The following SPATA22 variants were observed in gnomAD, a reference collection of about 807,000 sequenced individuals.
The protein encoded by SPATA22 is spermatogenesis-associated protein 22.
In SPATA22, 29 loss-of-function variants were observed where a neutral mutation model predicts 47.8. The observed-to-expected ratio is 0.61, with a 90% confidence interval of 0.45 to 0.83. SPATA22 has a LOEUF of 0.83. Among genes scored for constraint, SPATA22 ranks in the 40% least tolerant of loss-of-function variants. The pLI is 0.00. For missense variants in SPATA22, 410 were observed against 421.7 expected (o/e 0.97, Z 0.24); for synonymous variants, 133 against 140.9 (o/e 0.94, Z 0.40).
Position 3,462,480 on chromosome 17 carries a change from C to CA in SPATA22, c.329+2dup. On this transcript the variant is annotated splice_region_variant and intron_variant, in intron 5 of 8. Transcript: ENST00000572969. ...AGAAGAAAGAAATTTTAAGTAGACT[C>CA]ACCTCCAACCACCCTGGCTTCTTCC... is the stretch of plus-strand genomic sequence containing the variant. The CA allele has an allele frequency of 6.3e-7, 1 of 1,585,010 alleles. No homozygotes were observed.
At chr17:3,472,070 C>G (rs1017204636), upstream of SPATA22, 1 of 166,256 alleles carries the variant, frequency 6.0e-6, no homozygotes, top group East Asian at 1.9e-4. Context: ...GCCCCACCAT[C>G]GTCTAAAAAG....
In SPATA22 at chr17:3,481,692, A is replaced by G. The variant is rs1229569874; in HGVS notation, c.-73-12294T>C. ...GGTCCAAAAGACAGTGAAGATTCCTATGACATTATTTTTGACCTTCACAAC... is the reference window on the plus strand; with the variant it reads ...GGTCCAAAAGACAGTGAAGATTCCTGTGACATTATTTTTGACCTTCACAAC... On this transcript the variant is annotated intron_variant, in intron 1 of 8. Coordinates refer to the SPATA22 transcript ENST00000541913. 7.4e-6 allele frequency: 12 copies of G among 1,613,770 alleles called. No individual in the cohort carries two copies. Among genetic ancestry groups the G allele is most frequent in the African/African-American group, 1.3e-5 (1 of 74,928 alleles).
chr17:3,493,510 A>C (rs1446460580), intron 1 of SPATA22, among the ~76,000 whole-genome samples: 2 of 149,294 alleles, frequency 1.3e-5, no homozygotes, highest in African/African-American at 5.0e-5. Context: ...GCAGTGAGCC[A>C]AGACCACGCC....
chr17:3,489,959 G>C (rs1265094088), intron 1 of SPATA22, among the ~76,000 whole-genome samples: 2 of 152,198 alleles, frequency 1.3e-5, no homozygotes, highest in Non-Finnish European at 2.9e-5. Context: ...ATGTCCACCT[G>C]TTGGTGGAGA....
chr17:3,508,662 ACACCGCATGTTCT>A (rs1313385295), intron 1 of SPATA22, among the ~76,000 whole-genome samples: 8 of 142,746 alleles, frequency 5.6e-5, no homozygotes, highest in African/African-American at 2.1e-4. Context: ...AAAAAACCAA[ACACCGCATGTTCT>A]CACTCATAGA....
chr17:3,483,495 T>C (rs2073668886), intron 1 of SPATA22: 1 of 1,613,754 alleles, frequency 6.2e-7, no homozygotes, highest in South Asian at 1.1e-5. Context: ...TTGATTTTTT[T>C]CAGACTTCTC....
In SPATA22 at chr17:3,485,934, CTT is replaced by C. The variant is rs145731380; in HGVS notation, c.-73-16538_-73-16537del. ...CAGTGGTTGCATTCTAGGAGGGAAC[CTT>C]TTTTTTTTTTTTTGAGACGGAGTTT... On this transcript the variant is annotated intron_variant, in intron 1 of 8. Transcript: ENST00000541913. This position sits in a 1 kb window ranked among gnomAD's most constrained non-coding sequence, Gnocchi z 4.4. 0.019 allele frequency among the ~76,000 whole-genome samples: 2,724 copies of C among 142,320 alleles called. 37 individuals are homozygous for C. The highest frequency in any genetic ancestry group is 0.033 in the Middle Eastern group (9 of 270). The allele number at this position is 142,320 out of a possible 152,430, so 93.4% of individuals were successfully genotyped here.
intron 1 of SPATA22, among the ~76,000 whole-genome samples, chr17:3,509,851 C>T (rs921863455): frequency 9.1e-5 from 13 of 142,906 alleles, no homozygotes; most frequent in Non-Finnish European, 1.9e-4. Context: ...TTTTAATAAT[C>T]GCCATTCTGA....
intron 1 of SPATA22, among the ~76,000 whole-genome samples, chr17:3,508,017 C>A (rs1208796518): frequency 1.3e-5 from 2 of 152,184 alleles, no homozygotes; most frequent in African/African-American, 4.8e-5. Context: ...TGTCTTGCTG[C>A]CACTCAACAA....
chr17:3,481,868 A>T (rs1367452513), intron 1 of SPATA22: 31 of 1,367,654 alleles, frequency 2.3e-5, no homozygotes, highest in Non-Finnish European at 3.0e-5. Context: ...TGGATGTGAG[A>T]CAATCAGAAA....
intron 3 of SPATA22, among the ~76,000 whole-genome samples, chr17:3,463,705 C>T (rs62071288): frequency 0.33 from 50,009 of 151,932 alleles, 10,548 homozygotes; most frequent in Non-Finnish European, 0.48. Context: ...GCTACTATGT[C>T]ACCAGGAGAC....
At chr17:3,507,312 AGACATGTATG>A (rs2074049864) in intron 1 of SPATA22, among the ~76,000 whole-genome samples, 1 of 152,212 alleles carries the variant, frequency 6.6e-6, no homozygotes, top group African/African-American at 2.4e-5. Context: ...ACATTAAATG[AGACATGTATG>A]TAAAGTGCAT....
At chr17:3,446,653 CA>C in intron 6 of SPATA22, 52 bp from the exon 7 acceptor site, 1 of 1,354,478 alleles carries the variant, frequency 7.4e-7, no homozygotes, top group African/African-American at 1.5e-5. Context: ...TTTTTTTCAT[CA>C]TACTCGTTTA....
chr17:3,478,502 G>A (rs1404083066), intron 1 of SPATA22, among the ~76,000 whole-genome samples: 1 of 152,184 alleles, frequency 6.6e-6, no homozygotes, highest in African/African-American at 2.4e-5. Context: ...ATTGACCTAA[G>A]AGAGCTGTTA....
intron 1 of SPATA22, chr17:3,499,053 C>T (rs1273624188): frequency 6.2e-7 from 1 of 1,614,132 alleles, no homozygotes; most frequent in East Asian, 2.2e-5. Context: ...TAAACTAACG[C>T]TCAATGCAAA....
chr17:3,453,227 A>C (rs1208686088), intron 5 of SPATA22, among the ~76,000 whole-genome samples: 1 of 152,224 alleles, frequency 6.6e-6, no homozygotes, highest in Non-Finnish European at 1.5e-5. Flanking sequence ...TTCAAACCTT[A>C]GCATCACACA....
At chr17:3,509,678 C>G (rs529593127) in intron 1 of SPATA22, among the ~76,000 whole-genome samples, 1 of 152,280 alleles carries the variant, frequency 6.6e-6, no homozygotes, top group African/African-American at 2.4e-5. Flanking sequence ...TGGGTGTATA[C>G]TCAGTAATGG....
intron 1 of SPATA22, among the ~76,000 whole-genome samples, chr17:3,508,682 T>C (rs1253667707): frequency 1.1e-4 from 14 of 131,632 alleles, no homozygotes; most frequent in South Asian, 5.1e-4. Context: ...TTCTCACTCA[T>C]AGATGGGAAT....
In SPATA22 at chr17:3,488,545, T is replaced by C. The variant is rs1254839611; in HGVS notation, c.-73-19147A>G. On this transcript the variant is annotated intron_variant, in intron 1 of 8. Transcript: ENST00000541913. The surrounding 1 kb of genome is among the most constrained non-coding windows in gnomAD (Gnocchi z 6.1). Reference sequence around the variant, plus strand: ...GGTGGCCCGTGCCTGTAATCCCAGCTACTCGGGAGGCTGAGGCAGAAGAAT... The same window carrying C: ...GGTGGCCCGTGCCTGTAATCCCAGCCACTCGGGAGGCTGAGGCAGAAGAAT... 6.6e-6 allele frequency among the ~76,000 whole-genome samples: 1 copy of C among 152,136 alleles called. No individual in the cohort carries two copies. The highest frequency in any genetic ancestry group is 6.5e-5 in the Admixed American group (1 of 15,274).
Sources: allele counts gnomAD v4.1 joint callset (sites outside exome capture counted in the v4.1 genomes callset), GRCh38; gene constraint gnomAD v4.1.1; non-coding constraint Gnocchi (gnomAD v3.1); transcripts MANE v1.5; gene names NCBI Gene and HGNC (gene_info 2026-07-23, HGNC 2026-07-21).